Variants in TENM1 observed in about 807,000 individuals in gnomAD.
TENM1 encodes the protein teneurin transmembrane protein 1.
A neutral mutation model predicts 174.8 loss-of-function variants in TENM1; 35 were observed. That is an observed-to-expected ratio of 0.20 (90% CI 0.15 to 0.27). TENM1 has a LOEUF of 0.27. TENM1 is among the 10% of genes least tolerant of loss of function. The pLI, the probability that TENM1 is intolerant of heterozygous loss-of-function variation, is 1.00. For missense variants in TENM1, 1,633 were observed against 2,130.1 expected, an observed-to-expected ratio of 0.77 and a Z score of 4.59; for synonymous variants, 781 against 798.7, an observed-to-expected ratio of 0.98 and a Z score of 0.37.
At chrX:124,845,709 A>G (rs905032374) in intron 3 of TENM1, among the ~76,000 whole-genome samples, 4 of 109,741 alleles carry the variant, frequency 3.6e-5, no homozygotes, top group African/African-American at 1.3e-4. Flanking sequence ...ACCAGGACTT[A>G]CCTCCCTCCC....
chrX:124,727,340 C>T (rs895490143), intron 4 of TENM1, among the ~76,000 whole-genome samples: 2 of 112,002 alleles, frequency 1.8e-5, no homozygotes, highest in African/African-American at 6.5e-5. Context: ...AAATAATTAC[C>T]ATCTAAGATC....
At chrX:125,132,547 G>A in the TENM1 span, among the ~76,000 whole-genome samples, 1 of 111,948 alleles carries the variant, frequency 8.9e-6, no homozygotes, top group African/African-American at 3.3e-5. Flanking sequence ...AGGGGGTAAG[G>A]ATAACGCTGA....
intron 18 of TENM1, 114 bp downstream of exon 21, chrX:124,520,403 G>T: frequency 1.3e-6 from 1 of 781,556 alleles, no homozygotes; most frequent in Non-Finnish European, 1.8e-6. Context: ...AATGCCTTAG[G>T]TCCTTTAAAC....
In TENM1 at chrX:124,551,953, G is replaced by A. The variant is rs180890733; in HGVS notation, c.2435-4863C>T. Among the ~76,000 whole-genome samples, 3 of 112,053 alleles carry A rather than the reference G, an allele frequency of 2.7e-5. No individual in the cohort carries two copies. The Admixed American group carries it at 2.8e-4, about 11-fold the overall frequency. On this transcript the variant is annotated intron_variant, in intron 14 of 31. Transcript: ENST00000422452. ...TGGCCAGAGGGTAATTGATTTCTGT[G>A]TAGCACGTTCCAGTTGTTGGAATGT...
the TENM1 span, among the ~76,000 whole-genome samples, chrX:125,131,275 T>G: frequency 8.9e-6 from 1 of 111,807 alleles, no homozygotes; most frequent in Non-Finnish European, 1.9e-5. Context: ...AAAAGACAGC[T>G]TTACTGATGC....
intron 13 of TENM1, among the ~76,000 whole-genome samples, chrX:124,563,314 T>C (rs1191711917): frequency 9.1e-6 from 1 of 109,411 alleles, no homozygotes; most frequent in Non-Finnish European, 1.9e-5. Context: ...GTATATGGAC[T>C]TGGAGCCATA....
intron 11 of TENM1, among the ~76,000 whole-genome samples, chrX:124,595,512 T>C (rs1245882391): frequency 8.9e-6 from 1 of 112,231 alleles, no homozygotes; most frequent in Non-Finnish European, 1.9e-5. Flanking sequence ...CACTTGACAA[T>C]TGTAGACTAT....
chrX:124,498,384 G>A (rs1054597884), intron 19 of TENM1, among the ~76,000 whole-genome samples: 1 of 110,603 alleles, frequency 9.0e-6, no homozygotes, highest in Admixed American at 9.7e-5. Flanking sequence ...TCAGTCTGTG[G>A]TTTAATACCT....
At chrX:124,498,562 C>T (rs771187078) in intron 19 of TENM1, among the ~76,000 whole-genome samples, 29 of 109,297 alleles carry the variant, frequency 2.7e-4, no homozygotes, top group Non-Finnish European at 4.8e-4. Context: ...GTTACTTTCA[C>T]CTACTTCCAT....
intron 26 of TENM1, among the ~76,000 whole-genome samples, chrX:124,405,701 G>C (rs778594069): frequency 9.1e-5 from 10 of 110,319 alleles, no homozygotes; most frequent in African/African-American, 3.3e-4. Flanking sequence ...ACAAAAGTTA[G>C]TGTACTCTTA....
the TENM1 span, among the ~76,000 whole-genome samples, chrX:125,084,704 G>T: frequency 9.0e-6 from 1 of 110,914 alleles, no homozygotes; most frequent in African/African-American, 3.3e-5. Flanking sequence ...CCAAATCACA[G>T]ACTCACCATA....
intron 3 of TENM1, among the ~76,000 whole-genome samples, chrX:124,849,417 C>CT (rs767005275): frequency 9.2e-6 from 1 of 108,403 alleles, no homozygotes; most frequent in Non-Finnish European, 1.9e-5. Context: ...CTCTCTCTTT[C>CT]TTTTTTTCTC....
chrX:124,588,145 G>T (rs993806056), intron 11 of TENM1, among the ~76,000 whole-genome samples: 6 of 111,411 alleles, frequency 5.4e-5, no homozygotes, highest in African/African-American at 2.0e-4. Context: ...TTTCCTCGGG[G>T]ATCTAGAACT....
At chrX:125,041,647 C>G in the TENM1 span, among the ~76,000 whole-genome samples, 4 of 112,131 alleles carry the variant, frequency 3.6e-5, no homozygotes, top group Non-Finnish European at 7.5e-5. Context: ...AATCTTCTCT[C>G]TGCTTTCTAA....
intron 1 of TENM1, among the ~76,000 whole-genome samples, chrX:124,905,012 A>T (rs1300451927): frequency 9.0e-6 from 1 of 111,682 alleles, no homozygotes; most frequent in African/African-American, 3.3e-5. Context: ...TACTAAAAAA[A>T]ATAAGTCAGG....
Position 124,420,203 on chromosome X carries a change from T to C in TENM1, c.4982+108A>G. 3 of 898,167 alleles carry C rather than the reference T, an allele frequency of 3.3e-6. No individual in the cohort carries two copies. The South Asian group carries it at 8.2e-5, about 25-fold the overall frequency. 74.0% of individuals were successfully genotyped at this position (898,167 alleles called of 1,213,427 possible). On this transcript the variant is annotated intron_variant, in intron 25 of 31. Transcript: ENST00000422452. The stretch of plus-strand genomic sequence containing the variant: ...TTTCATTTTTTAAAATGGTGGTTGT[T>C]AGGAGAAAACAGCATGCAACACTCA...
At chrX:125,077,703 C>G in the TENM1 span, among the ~76,000 whole-genome samples, 2 of 111,115 alleles carry the variant, frequency 1.8e-5, no homozygotes, top group African/African-American at 6.5e-5. Flanking sequence ...TAGAAATGAT[C>G]AGGAGAGAAG....
chrX:124,757,975 A>C (rs1239140799), intron 3 of TENM1, among the ~76,000 whole-genome samples: 2 of 112,247 alleles, frequency 1.8e-5, no homozygotes, highest in African/African-American at 6.5e-5. Flanking sequence ...GAGTAGAAGT[A>C]TCTGAACAAC....
intron 3 of TENM1, among the ~76,000 whole-genome samples, chrX:124,876,365 T>A (rs2147497470): frequency 8.9e-6 from 1 of 111,879 alleles, no homozygotes; most frequent in Non-Finnish European, 1.9e-5. Flanking sequence ...TATTGAATAA[T>A]CCTTGCATTC....
Sources: allele counts gnomAD v4.1 joint callset (sites outside exome capture counted in the v4.1 genomes callset), GRCh38; gene constraint gnomAD v4.1.1; transcripts MANE v1.5; gene names NCBI Gene and HGNC (gene_info 2026-07-23, HGNC 2026-07-21).